VMA21: variants seen among roughly 807,000 people sequenced by gnomAD.
The protein encoded by VMA21 is vacuolar ATPase assembly integral membrane protein VMA21.
For missense variants in VMA21, 61 were observed against 80.6 expected (o/e 0.76, Z 0.93); for synonymous variants, 47 against 34.1 (o/e 1.38, Z -1.32).
Position 151,408,628 on chromosome X carries a change from A to G in VMA21, c.*3570A>G, listed in dbSNP as rs1444665076. On this transcript the variant is annotated 3_prime_UTR_variant, in exon 3 of 3. Transcript: ENST00000330374. Reference sequence around the variant, plus strand: ...CTCCTATGTTTAAGATAATTTTTACAAGAGCTGGCTGAAGCAGCACATTAG... The same window carrying G: ...CTCCTATGTTTAAGATAATTTTTACGAGAGCTGGCTGAAGCAGCACATTAG... 1.8e-5 allele frequency: 2 copies of G among 112,504 alleles called. No individual in the cohort carries two copies. Among genetic ancestry groups the G allele is most frequent in the Non-Finnish European group, 3.8e-5 (2 of 53,322 alleles). 9.3% of individuals were successfully genotyped at this position (112,504 alleles called of 1,213,427 possible).
In VMA21 at chrX:151,397,275, C is replaced by A. The variant is rs771691644; in HGVS notation, c.-34C>A. On this transcript the variant is annotated 5_prime_UTR_variant, in exon 1 of 3. Transcript: ENST00000330374. ...TGAGCGCGGCCGCCGAGCCCAGCTCCGCCGCCGAGCGCCTGTGCCGGCACG... is the reference window on the plus strand; with the variant it reads ...TGAGCGCGGCCGCCGAGCCCAGCTCAGCCGCCGAGCGCCTGTGCCGGCACG... The A allele has an allele frequency of 8.7e-7, 1 of 1,150,965 alleles. No homozygotes were observed. The highest frequency in any genetic ancestry group is 1.9e-5 in the South Asian group (1 of 51,945). The allele number at this position is 1,150,965 out of a possible 1,213,427, so 94.9% of individuals were successfully genotyped here. A position where few individuals can be genotyped will look rare whatever the true frequency, so the allele number is the denominator to read the frequency against.
chrX:151,397,179 G>GAACGGGCA (rs1382642335), upstream of VMA21: 1 of 745,945 alleles, frequency 1.3e-6, no homozygotes, highest in South Asian at 3.5e-5. Context: ...CTTCCGGCGC[G>GAACGGGCA]AACGGGCACT....
upstream of VMA21, chrX:151,397,011 G>A: frequency 5.8e-6 from 3 of 516,852 alleles, no homozygotes; most frequent in South Asian, 2.5e-5. Context: ...CCTGCTCCTC[G>A]AGCACAGGCC....
Position 151,397,370 on chromosome X carries a change from G to A in VMA21, c.53+9G>A, listed in dbSNP as rs1304549659. On this transcript the variant is annotated intron_variant, in intron 1 of 2. Transcript: ENST00000330374. ...CAGCCTCCTGAGTTCAGGTAGCCCTGAGCGGGGCCTGGACCGCGAGGCGGA... is the reference window on the plus strand; with the variant it reads ...CAGCCTCCTGAGTTCAGGTAGCCCTAAGCGGGGCCTGGACCGCGAGGCGGA... 9 of 1,161,180 alleles carry A rather than the reference G, an allele frequency of 7.8e-6. No individual in the cohort carries two copies. The highest frequency in any genetic ancestry group is 9.2e-6 in the Non-Finnish European group (8 of 872,347).
intron 2 of VMA21, 22 bp downstream of exon 2, chrX:151,403,762 C>T: frequency 9.1e-7 from 1 of 1,098,099 alleles, no homozygotes; most frequent in South Asian, 1.8e-5. Context: ...CCCATTAAAA[C>T]AAGATGTTTT....
chrX:151,398,223 T>G (rs1375670997), intron 1 of VMA21, among the ~76,000 whole-genome samples: 1 of 104,862 alleles, frequency 9.5e-6, no homozygotes, highest in Non-Finnish European at 1.9e-5. Context: ...GGTTCATGAG[T>G]ACATGCGCAG....
Position 151,405,028 on chromosome X carries a change from A to G in VMA21, c.276A>G (p.Ser92=). 8.3e-7 allele frequency: 1 copy of G among 1,211,448 alleles called. No individual in the cohort carries two copies. Among genetic ancestry groups the G allele is most frequent in the East Asian group, 3.0e-5 (1 of 33,836 alleles). The change falls in exon 3 of 3, where the codon TCA becomes TCG. Residue 92 remains serine, a synonymous_variant. Transcript: ENST00000330374. ...LFVYVAWNEG[S]RQWREGKQD ...TGTATGTGGCCTGGAATGAAGGCTC[A>G]CGACAGTGGCGTGAAGGCAAACAGG...
intron 2 of VMA21, among the ~76,000 whole-genome samples, chrX:151,404,705 C>T (rs184011391): frequency 2.0e-4 from 23 of 112,311 alleles, no homozygotes; most frequent in African/African-American, 7.4e-4. Flanking sequence ...CAGGCGTGAG[C>T]CACTGCACCC....
In VMA21 at chrX:151,397,249, C is replaced by G. The variant is rs1014294653; in HGVS notation, c.-60C>G. ...CTCGGCCGTTCCCTCGCGGAGCTTA[C>G]TGAGCGCGGCCGCCGAGCCCAGCTC... On this transcript the variant is annotated 5_prime_UTR_variant, in exon 1 of 3. Coordinates refer to ENST00000330374, the MANE Select transcript of VMA21 (RefSeq NM_001017980.4). 2.7e-6 allele frequency: 3 copies of G among 1,128,954 alleles called. No homozygotes were observed. In the African/African-American group the frequency reaches 5.4e-5, roughly 20 times the overall value. 93.0% of individuals were successfully genotyped at this position (1,128,954 alleles called of 1,213,427 possible). A position where few individuals can be genotyped will look rare whatever the true frequency, so the allele number is the denominator to read the frequency against.
chrX:151,406,340 G>A lies in VMA21; in HGVS notation c.*1282G>A, dbSNP rs193229751. ...AGCTATTTGCATTTTTTTCAGATGA[G>A]TGATTATTGGCCATTTTCTTTTTCT... On this transcript the variant is annotated 3_prime_UTR_variant, in exon 3 of 3. Transcript: ENST00000330374. 2.7e-5 allele frequency: 3 copies of A among 111,260 alleles called. No individual in the cohort carries two copies. In the East Asian group the frequency reaches 8.5e-4, roughly 31 times the overall value. The allele number at this position is 111,260 out of a possible 1,213,427, so 9.2% of individuals were successfully genotyped here. A position where few individuals can be genotyped will look rare whatever the true frequency, so the allele number is the denominator to read the frequency against.
At position 151,405,162 on chromosome X, in the gene VMA21, G is replaced by A; in HGVS notation, c.*104G>A. On this transcript the variant is annotated 3_prime_UTR_variant, in exon 3 of 3. Coordinates refer to ENST00000330374, the MANE Select transcript of VMA21 (RefSeq NM_001017980.4). ...AAGTTGAAAGAACATGTTAAAGTCA[G>A]TCTTAAGGAGTCACGTTTGAGTATG... 1.0e-6 allele frequency: 1 copy of A among 954,308 alleles called. No individual in the cohort carries two copies. The highest frequency in any genetic ancestry group is 1.4e-6 in the Non-Finnish European group (1 of 690,139). 78.6% of individuals were successfully genotyped at this position (954,308 alleles called of 1,213,427 possible).
At chrX:151,396,620 C>CT (rs1410980668), upstream of VMA21, 2 of 345,914 alleles carry the variant, frequency 5.8e-6, no homozygotes, top group African/African-American at 2.6e-5. Flanking sequence ...TCTTTGAACT[C>CT]TGACATTCTC....
intron 1 of VMA21, among the ~76,000 whole-genome samples, chrX:151,403,024 A>G (rs5969791): frequency 0.48 from 51,180 of 107,103 alleles, 9,041 homozygotes; most frequent in Non-Finnish European, 0.53. Flanking sequence ...CTCAGGGACC[A>G]GTGTGACAGT....
intron 1 of VMA21, among the ~76,000 whole-genome samples, 156 bp downstream of exon 1, chrX:151,397,517 C>T: frequency 8.9e-6 from 1 of 112,650 alleles, no homozygotes; most frequent in Non-Finnish European, 1.9e-5. Context: ...GAGCCTGAGA[C>T]GTCTAAACTC....
Position 151,407,948 on chromosome X carries a change from A to G in VMA21, c.*2890A>G, listed in dbSNP as rs2011312802. On this transcript the variant is annotated 3_prime_UTR_variant, in exon 3 of 3. Transcript: ENST00000330374. ...CCCTTCTTGCCCAGGCTGGAGTGCA[A>G]GGGCGCAATCTCGGCTCGCTGCAAC... 1 of 107,985 alleles carries G rather than the reference A, an allele frequency of 9.3e-6. No homozygotes were observed. The highest frequency in any genetic ancestry group is 1.9e-5 in the Non-Finnish European group (1 of 52,207). 8.9% of individuals were successfully genotyped at this position (107,985 alleles called of 1,213,427 possible).
chrX:151,399,271 A>G (rs1250649675), intron 1 of VMA21, among the ~76,000 whole-genome samples: 1 of 112,073 alleles, frequency 8.9e-6, no homozygotes, highest in East Asian at 2.8e-4. Flanking sequence ...GGGGCTAGAA[A>G]TTAATATGTA....
chrX:151,398,492 G>A (rs933442353), intron 1 of VMA21, among the ~76,000 whole-genome samples: 31 of 111,011 alleles, frequency 2.8e-4, no homozygotes, highest in African/African-American at 9.5e-4. Context: ...ATGGCTTCCA[G>A]CTCCAGTCAT....
chrX:151,396,975 G>C (rs755885348), upstream of VMA21: 2 of 523,384 alleles, frequency 3.8e-6, no homozygotes, highest in South Asian at 4.9e-5. Flanking sequence ...CCGGCTCAAC[G>C]TGGAGTGGCT....
At position 151,407,805 on chromosome X, in the gene VMA21, A is replaced by T. The variant is rs2011309779; in HGVS notation, c.*2747A>T. 8.9e-6 allele frequency: 1 copy of T among 112,609 alleles called. No individual in the cohort carries two copies. Among genetic ancestry groups the T allele is most frequent in the African/African-American group, 3.2e-5 (1 of 31,014 alleles). 9.3% of individuals were successfully genotyped at this position (112,609 alleles called of 1,213,427 possible). On this transcript the variant is annotated 3_prime_UTR_variant, in exon 3 of 3. Transcript: ENST00000330374. ...TGGTTTGGGGTTGTTAGTGAAAAAA[A>T]ATTTAAACCTGCCATTAAAAATCCC...
Sources: gnomAD v4.1 joint callset for allele counts (sites outside exome capture counted in the v4.1 genomes callset) on GRCh38, gnomAD v4.1.1 for gene constraint, MANE v1.5 for transcripts, NCBI Gene and HGNC (gene_info 2026-07-23, HGNC 2026-07-21) for gene names.